Variants in DCDC1 observed in about 807,000 individuals in gnomAD.
DCDC1 encodes doublecortin domain-containing protein 1.
In DCDC1, 200 loss-of-function variants were observed where a neutral mutation model predicts 178.3. The ratio of observed to expected loss-of-function variants is 1.12; its 90% CI spans 1.00 to 1.26. DCDC1 has a LOEUF of 1.26. Ranked by LOEUF, DCDC1 falls within the 50% of genes most tolerant of loss-of-function variation. The probability of loss-of-function intolerance (pLI) is 0.00; values close to 1 mark genes in which losing one functional copy is unlikely to be tolerated. For missense variants in DCDC1, 1,983 were observed against 1,749.2 expected, an observed-to-expected ratio of 1.13 and a Z score of -2.38; for synonymous variants, 690 against 604.8, an observed-to-expected ratio of 1.14 and a Z score of -2.07.
At chr11:31,333,860 G>C (rs1395108225) in intron 2 of DCDC1, among the ~76,000 whole-genome samples, 1 of 151,960 alleles carries the variant, frequency 6.6e-6, no homozygotes, top group Non-Finnish European at 1.5e-5. Flanking sequence ...TGTGTCTTGG[G>C]GTTGCTCTTC....
intron 1 of DCDC1, among the ~76,000 whole-genome samples, chr11:31,356,236 C>A (rs953922205): frequency 6.6e-6 from 1 of 152,028 alleles, no homozygotes; most frequent in Non-Finnish European, 1.5e-5. Flanking sequence ...AAGTTAATAA[C>A]TGAAGAAAAT....
chr11:31,213,118 T>A (rs1048921123), intron 9 of DCDC1, among the ~76,000 whole-genome samples: 1 of 113,802 alleles, frequency 8.8e-6, no homozygotes. Flanking sequence ...TCTCTCTCTC[T>A]CTCTCTCTCT....
chr11:31,017,566 T>C (rs1472563203), intron 20 of DCDC1, among the ~76,000 whole-genome samples: 1 of 151,884 alleles, frequency 6.6e-6, no homozygotes, highest in Non-Finnish European at 1.5e-5. Context: ...AAAAAACCTA[T>C]CTGTTTTCAC....
At chr11:31,189,204 A>T (rs1969857852) in intron 9 of DCDC1, among the ~76,000 whole-genome samples, 1 of 152,194 alleles carries the variant, frequency 6.6e-6, no homozygotes, top group Admixed American at 6.5e-5. Context: ...TCTTCATAAT[A>T]GTTAATTATC....
At chr11:30,875,041 T>C (rs1349526777) in intron 38 of DCDC1, among the ~76,000 whole-genome samples, 1 of 152,214 alleles carries the variant, frequency 6.6e-6, no homozygotes, top group Non-Finnish European at 1.5e-5. Flanking sequence ...CATATATTTC[T>C]ATTTATACAT....
intron 1 of DCDC1, among the ~76,000 whole-genome samples, chr11:31,337,837 G>A (rs926513796): frequency 1.3e-5 from 2 of 152,142 alleles, no homozygotes; most frequent in Admixed American, 6.5e-5. Flanking sequence ...ATGTCTAGAC[G>A]TGATCTTTGG....
At chr11:30,915,786 T>A in intron 26 of DCDC1, 75 bp from the exon 27 acceptor site, 1 of 1,474,496 alleles carries the variant, frequency 6.8e-7, no homozygotes, top group African/African-American at 1.4e-5. Flanking sequence ...GTGCTGGAGA[T>A]TATAAGTTCT....
At chr11:31,254,916 A>G (rs1249078287) in intron 8 of DCDC1, among the ~76,000 whole-genome samples, 1 of 152,210 alleles carries the variant, frequency 6.6e-6, no homozygotes, top group Admixed American at 6.5e-5. Context: ...ATTCCAAAGT[A>G]AAACCACTTA....
chr11:31,268,973 A>G (rs1945363892), intron 7 of DCDC1, among the ~76,000 whole-genome samples: 1 of 152,232 alleles, frequency 6.6e-6, no homozygotes. Flanking sequence ...AAACATCAGT[A>G]AAAATGTCTG....
chr11:31,296,116 G>A (rs1274493876), intron 6 of DCDC1, among the ~76,000 whole-genome samples: 1 of 152,116 alleles, frequency 6.6e-6, no homozygotes, highest in African/African-American at 2.4e-5. Context: ...CAGCCAGCCA[G>A]CCCATCAGGG....
intron 21 of DCDC1, among the ~76,000 whole-genome samples, chr11:30,947,749 C>G (rs1203351760): frequency 1.3e-5 from 2 of 151,956 alleles, no homozygotes; most frequent in Non-Finnish European, 2.9e-5. Flanking sequence ...TCTGCAACAG[C>G]AAACGAAACA....
chr11:31,004,989 C>T (rs142234344), intron 20 of DCDC1, among the ~76,000 whole-genome samples: 1 of 152,180 alleles, frequency 6.6e-6, no homozygotes, highest in African/African-American at 2.4e-5. Flanking sequence ...CCTGAACCCA[C>T]CACGCAGAAA....
chr11:30,897,226 G>T (rs191439761), intron 34 of DCDC1, among the ~76,000 whole-genome samples: 1 of 152,286 alleles, frequency 6.6e-6, no homozygotes, highest in Non-Finnish European at 1.5e-5. Context: ...CCTCCAGAAT[G>T]GACATCACTG....
chr11:31,127,482 C>T lies in DCDC1; in HGVS notation c.1472G>A (p.Gly491Asp). 1 of 702,366 alleles carries T rather than the reference C, an allele frequency of 1.4e-6. No homozygotes were observed. Among genetic ancestry groups the T allele is most frequent in the Non-Finnish European group, 2.6e-6 (1 of 384,590 alleles). The allele number at this position is 702,366 out of a possible 1,614,324, so 43.5% of individuals were successfully genotyped here. The change falls in exon 11 of 39, where the codon GGC becomes GAC. Residue 491 changes from glycine to aspartate, a missense_variant. By Grantham distance (94) the Gly-to-Asp change is moderately conservative. Transcript: ENST00000684477. ...SLPANTLVPG[G>D]LQLKVFENGK... ...AACGACACCCACCTTAAGCTGCAGG[C>T]CTCCTGGGACAAGCGTGTTTGCTGG...
At chr11:31,015,723 T>A (rs1193207978) in intron 20 of DCDC1, among the ~76,000 whole-genome samples, 1 of 152,198 alleles carries the variant, frequency 6.6e-6, no homozygotes, top group Non-Finnish European at 1.5e-5. Context: ...TGATGCTGAT[T>A]TTCAGTAGAA....
intron 8 of DCDC1, among the ~76,000 whole-genome samples, chr11:31,259,411 T>C (rs1944634292): frequency 6.6e-6 from 1 of 152,172 alleles, no homozygotes; most frequent in Non-Finnish European, 1.5e-5. Flanking sequence ...TTTATACTAT[T>C]GAAACATTAT....
At chr11:31,109,763 G>A (rs1959080749) in intron 12 of DCDC1, among the ~76,000 whole-genome samples, 1 of 152,128 alleles carries the variant, frequency 6.6e-6, no homozygotes, top group South Asian at 2.1e-4. Flanking sequence ...TAAAGAGCCT[G>A]AGCATGTTGG....
At chr11:31,054,244 G>GAAAAAAAA (rs58611104) in intron 20 of DCDC1, among the ~76,000 whole-genome samples, 33 of 118,954 alleles carry the variant, frequency 2.8e-4, no homozygotes, top group East Asian at 6.8e-4. Context: ...AAGGAAAAAA[G>GAAAAAAAA]AAAAAAAAAA....
Position 31,077,910 on chromosome 11 carries a change from G to A in DCDC1, c.2253C>T (p.Asp751=), listed in dbSNP as rs765227335. The A allele has an allele frequency of 7.8e-6, 6 of 766,212 alleles. No homozygotes were observed. Among genetic ancestry groups the A allele is most frequent in the African/African-American group, 1.7e-5 (1 of 59,264 alleles). 47.5% of individuals were successfully genotyped at this position (766,212 alleles called of 1,614,324 possible). A position where few individuals can be genotyped will look rare whatever the true frequency, so the allele number is the denominator to read the frequency against. ...LILQKRHSGD[D]SQKWVFGTDG... ...CAGTTCCAAACACCCACTTCTGAGAGTCATCTCCACTATGTCTGTAACGAA... is the reference window on the plus strand; with the variant it reads ...CAGTTCCAAACACCCACTTCTGAGAATCATCTCCACTATGTCTGTAACGAA... Residue 751 remains aspartate, a synonymous_variant, in exon 18 of 39, where the codon GAC becomes GAT. Coordinates refer to ENST00000684477, the MANE Select transcript of DCDC1 (RefSeq NM_001387274.1).
Sources: allele counts gnomAD v4.1 joint callset (sites outside exome capture counted in the v4.1 genomes callset), GRCh38; gene constraint gnomAD v4.1.1; transcripts MANE v1.5; gene names NCBI Gene and HGNC (gene_info 2026-07-23, HGNC 2026-07-21).